Variants in RAP1A observed in about 807,000 individuals in gnomAD.
The protein encoded by RAP1A is ras-related protein Rap-1A.
A neutral mutation model predicts 26.4 loss-of-function variants in RAP1A; 6 were observed. The observed-to-expected ratio is 0.23, with a 90% CI of 0.12 to 0.45. The LOEUF (loss-of-function observed/expected upper bound fraction) is 0.45, where lower values mean the gene tolerates loss of function less well. RAP1A is among the 20% of genes least tolerant of loss of function. The probability of loss-of-function intolerance (pLI) is 0.99; values close to 1 mark genes in which losing one functional copy is unlikely to be tolerated. For missense variants in RAP1A, 121 were observed against 217.2 expected (o/e 0.56, Z 2.78); for synonymous variants, 73 against 79.4 (o/e 0.92, Z 0.43).
In RAP1A at chr1:111,545,119, C is replaced by T. The variant is rs993886222; in HGVS notation, c.-28+2610C>T. Among the ~76,000 whole-genome samples, 155 of 151,598 alleles carry T rather than the reference C, an allele frequency of 1.0e-3. 1 individual carries two copies. The highest frequency in any genetic ancestry group is 3.4e-3 in the African/African-American group (140 of 41,352). On this transcript the variant is annotated intron_variant, in intron 1 of 7. Coordinates refer to the RAP1A transcript ENST00000356415. ...TTGGGTATATCCAATTTGGTATATACCCAATTTCTTGGGTATATACCAAGA... is the reference window on the plus strand; with the variant it reads ...TTGGGTATATCCAATTTGGTATATATCCAATTTCTTGGGTATATACCAAGA...
At chr1:111,594,591 AGGG>A (rs1658530598) in intron 1 of RAP1A, among the ~76,000 whole-genome samples, 3 of 147,760 alleles carry the variant, frequency 2.0e-5, no homozygotes, top group African/African-American at 7.8e-5. Flanking sequence ...GAAGGAAGGG[AGGG>A]AGGAAGGAAG....
intron 1 of RAP1A, among the ~76,000 whole-genome samples, chr1:111,547,677 GAT>G (rs984866061): frequency 6.6e-6 from 1 of 152,154 alleles, no homozygotes; most frequent in Non-Finnish European, 1.5e-5. Flanking sequence ...TAAAGATTAA[GAT>G]ATAGGAAGAA....
chr1:111,671,109 A>G (rs1384507022), intron 1 of RAP1A, among the ~76,000 whole-genome samples: 1 of 152,226 alleles, frequency 6.6e-6, no homozygotes, highest in Non-Finnish European at 1.5e-5. Flanking sequence ...AAGGAAGATG[A>G]GGGGAAATGC....
intron 1 of RAP1A, among the ~76,000 whole-genome samples, chr1:111,558,866 A>G (rs1657619190): frequency 6.6e-6 from 1 of 152,190 alleles, no homozygotes; most frequent in Admixed American, 6.5e-5. Flanking sequence ...TCTACAGGGG[A>G]TTATTTAAAC....
chr1:111,543,928 A>G (rs1244011325), intron 1 of RAP1A, among the ~76,000 whole-genome samples: 2 of 152,144 alleles, frequency 1.3e-5, no homozygotes, highest in Non-Finnish European at 2.9e-5. Flanking sequence ...TCTTCTTAGG[A>G]GGTATTTCAT....
At chr1:111,668,673 A>T (rs1660873497) in intron 1 of RAP1A, among the ~76,000 whole-genome samples, 1 of 152,188 alleles carries the variant, frequency 6.6e-6, no homozygotes, top group African/African-American at 2.4e-5. Flanking sequence ...TATAAGAAAG[A>T]TAGCGAGGTT....
intron 1 of RAP1A, among the ~76,000 whole-genome samples, chr1:111,638,937 A>G (rs1659808074): frequency 6.6e-6 from 1 of 151,844 alleles, no homozygotes; most frequent in Non-Finnish European, 1.5e-5. Context: ...GAGGACTTTT[A>G]GGTCCAGGCA....
chr1:111,654,117 T>G (rs501923), intron 1 of RAP1A, among the ~76,000 whole-genome samples: 149,083 of 152,358 alleles, frequency 0.98, 72,956 homozygotes, highest in East Asian at 1. Context: ...CAGGCAAGAA[T>G]TTTTTATTCC....
At chr1:111,710,386 T>C (rs190731786) in intron 7 of RAP1A, among the ~76,000 whole-genome samples, 3 of 152,360 alleles carry the variant, frequency 2.0e-5, no homozygotes, top group Admixed American at 2.0e-4. Flanking sequence ...GACTTTTTTC[T>C]TTAATTTGTA....
intron 1 of RAP1A, among the ~76,000 whole-genome samples, chr1:111,689,152 T>C (rs921855093): frequency 1.3e-5 from 2 of 152,114 alleles, no homozygotes; most frequent in Non-Finnish European, 2.9e-5. Flanking sequence ...ATCAGTTTTA[T>C]CAAATTTCGA....
rs752855199 is a variant in RAP1A, at chr1:111,695,333, T to TC, written c.58-3dup. The stretch of plus-strand genomic sequence containing the variant: ...ATTTTTTAATATTTCTCTTTTTTTT[T>TC]CCCCCAGACAGTTCAGTTTGTTCAG... On this transcript the variant is annotated splice_region_variant and splice_polypyrimidine_tract_variant and intron_variant, in intron 2 of 7. Coordinates refer to ENST00000369709, the MANE Select transcript of RAP1A (RefSeq NM_002884.4). 12 of 1,548,108 alleles carry TC rather than the reference T, an allele frequency of 7.8e-6. No individual in the cohort carries two copies. Among genetic ancestry groups the TC allele is most frequent in the Non-Finnish European group, 8.7e-6 (10 of 1,152,904 alleles).
intron 1 of RAP1A, among the ~76,000 whole-genome samples, chr1:111,613,361 G>T (rs191395061): frequency 4.0e-5 from 6 of 151,890 alleles, no homozygotes; most frequent in African/African-American, 7.3e-5. Flanking sequence ...CACCATGCCC[G>T]GCTAATGTTT....
chr1:111,648,490 G>A (rs772495235), intron 1 of RAP1A: 9 of 550,976 alleles, frequency 1.6e-5, no homozygotes, highest in Middle Eastern at 5.1e-4. Flanking sequence ...GCAGGGCCTC[G>A]TACTCACTCC....
chr1:111,621,861 C>G (rs571342237), intron 1 of RAP1A, among the ~76,000 whole-genome samples: 26 of 152,112 alleles, frequency 1.7e-4, no homozygotes, highest in Non-Finnish European at 3.5e-4. Flanking sequence ...TAAAACAGCT[C>G]AAAAGCCTTT....
chr1:111,660,287 T>C lies in RAP1A; in HGVS notation c.-27-31047T>C, dbSNP rs527822857. Among the ~76,000 whole-genome samples, 32 of 152,356 alleles carry C rather than the reference T, an allele frequency of 2.1e-4. 1 individual carries two copies. In the South Asian group the frequency reaches 6.6e-3, roughly 32 times the overall value. ...AGTCTGATGCAATTCTTGTCTCTGT[T>C]CTGCTATAGGTAAGATGTTTTCCCC... On this transcript the variant is annotated intron_variant, in intron 1 of 7. Transcript: ENST00000369709.
At chr1:111,695,165 G>A (rs1450437432) in intron 2 of RAP1A, among the ~76,000 whole-genome samples, 176 bp from the exon 3 acceptor site, 1 of 150,836 alleles carries the variant, frequency 6.6e-6, no homozygotes, top group Non-Finnish European at 1.5e-5. Flanking sequence ...CATAATAAAT[G>A]TACTCTTAGT....
intron 1 of RAP1A, among the ~76,000 whole-genome samples, chr1:111,555,362 T>TTAAAAAAAAAAAAAAAAAA (rs1207016273): frequency 2.1e-5 from 1 of 47,650 alleles, no homozygotes; most frequent in African/African-American, 1.2e-4. Context: ...TGAGACTCTG[T>TTAAAAAAAAAAAAAAAAAA]AAAAAAAAAA....
chr1:111,662,415 A>T (rs1032027856), intron 1 of RAP1A, among the ~76,000 whole-genome samples: 1 of 142,576 alleles, frequency 7.0e-6, no homozygotes, highest in African/African-American at 2.5e-5. Context: ...AAAAAAAAAA[A>T]AAATTAACTT....
chr1:111,618,820 TAAATAAAATA>T (rs112405146), upstream of RAP1A, among the ~76,000 whole-genome samples: 2 of 151,072 alleles, frequency 1.3e-5, no homozygotes, highest in Non-Finnish European at 3.0e-5. Context: ...AAAATGTATC[TAAATAAAATA>T]AAATAAAATA....
Sources: allele counts gnomAD v4.1 joint callset (sites outside exome capture counted in the v4.1 genomes callset), GRCh38; gene constraint gnomAD v4.1.1; transcripts MANE v1.5; gene names NCBI Gene and HGNC (gene_info 2026-07-23, HGNC 2026-07-21).